The following DCAF8L2 variants were observed in gnomAD, a reference collection of about 807,000 sequenced individuals.
The protein encoded by DCAF8L2 is DDB1- and CUL4-associated factor 8-like protein 2.
For synonymous variants in DCAF8L2, 200 were observed against 190.9 expected (o/e 1.05, Z -0.39); for missense variants, 430 against 490.7 (o/e 0.88, Z 1.17).
chrX:27,626,739 G>A (rs1365399275), intron 1 of DCAF8L2, among the ~76,000 whole-genome samples: 4 of 111,774 alleles, frequency 3.6e-5, no homozygotes, highest in Non-Finnish European at 5.6e-5. Context: ...GCACACAAAG[G>A]ATGAGAAAGC....
At chrX:27,611,389 A>G (rs1327496476) in intron 1 of DCAF8L2, among the ~76,000 whole-genome samples, 2 of 109,451 alleles carry the variant, frequency 1.8e-5, no homozygotes, top group Admixed American at 9.9e-5. Flanking sequence ...ATATGCCGTC[A>G]TAGTGAACAG....
At chrX:27,470,090 G>T in the DCAF8L2 span, among the ~76,000 whole-genome samples, 1 of 111,862 alleles carries the variant, frequency 8.9e-6, no homozygotes, top group Non-Finnish European at 1.9e-5. Context: ...ACTTTCTTAA[G>T]CAGGAGGGCT....
intron 3 of DCAF8L2, among the ~76,000 whole-genome samples, chrX:27,704,553 C>T (rs1242892502): frequency 9.1e-6 from 1 of 110,102 alleles, no homozygotes; most frequent in Non-Finnish European, 1.9e-5. Context: ...TAAGCGTACA[C>T]TCCTTTATGT....
chrX:27,629,889 G>A (rs1415808407), intron 1 of DCAF8L2, among the ~76,000 whole-genome samples: 1 of 111,413 alleles, frequency 9.0e-6, no homozygotes, highest in Non-Finnish European at 1.9e-5. Context: ...GACTCTGTAG[G>A]CCACTGGGTA....
the DCAF8L2 span, among the ~76,000 whole-genome samples, chrX:27,506,245 C>T: frequency 4.5e-5 from 5 of 111,782 alleles, no homozygotes; most frequent in African/African-American, 6.5e-5. Context: ...AAAATGAGAA[C>T]ATACCCATGT....
chrX:27,593,650 C>T (rs771179214), intron 1 of DCAF8L2, among the ~76,000 whole-genome samples: 1 of 111,571 alleles, frequency 9.0e-6, no homozygotes, highest in African/African-American at 3.3e-5. Context: ...AGGCCTATTG[C>T]TTGTCCAGGC....
the DCAF8L2 span, chrX:27,519,565 C>G: frequency 2.9e-6 from 2 of 685,127 alleles, no homozygotes; most frequent in Non-Finnish European, 4.8e-6. Context: ...TACCCTCTCT[C>G]CACCTCCACC....
At chrX:27,594,821 A>C (rs1390432417) in intron 1 of DCAF8L2, among the ~76,000 whole-genome samples, 1 of 112,039 alleles carries the variant, frequency 8.9e-6, no homozygotes. Context: ...TCAATTTCAA[A>C]GTAAAATACA....
At chrX:27,502,334 AAATATAT>A in the DCAF8L2 span, among the ~76,000 whole-genome samples, 30 of 24,961 alleles carry the variant, frequency 1.2e-3, no homozygotes, top group African/African-American at 5.2e-3. Flanking sequence ...AAAAAAAAAA[AAATATAT>A]ATATATATAT....
the DCAF8L2 span, among the ~76,000 whole-genome samples, chrX:27,536,622 T>C: frequency 9.7e-6 from 1 of 102,581 alleles, no homozygotes; most frequent in Non-Finnish European, 2.0e-5. Flanking sequence ...TAGAACAGAA[T>C]TGACTGGGCA....
the DCAF8L2 span, among the ~76,000 whole-genome samples, chrX:27,498,041 T>C: frequency 6.6e-3 from 741 of 112,405 alleles, 9 homozygotes; most frequent in African/African-American, 0.023. Context: ...TGTGTGTGTA[T>C]ATATATACAT....
chrX:27,678,241 G>T (rs1437848526), intron 3 of DCAF8L2, among the ~76,000 whole-genome samples: 1 of 111,266 alleles, frequency 9.0e-6, no homozygotes, highest in African/African-American at 3.3e-5. Flanking sequence ...AATATAAAGG[G>T]AATGTAAATA....
chrX:27,631,850 C>G (rs1171675948), intron 1 of DCAF8L2, 29 bp from the exon 2 acceptor site: 1 of 112,015 alleles, frequency 8.9e-6, no homozygotes, highest in Admixed American at 9.5e-5. Flanking sequence ...ACACTTCCCT[C>G]TCAGAACTAC....
intron 3 of DCAF8L2, among the ~76,000 whole-genome samples, chrX:27,678,651 A>G (rs1930221939): frequency 8.9e-6 from 1 of 111,764 alleles, no homozygotes; most frequent in South Asian, 3.7e-4. Context: ...GCAAATTTGT[A>G]GAGGCAGAAA....
At chrX:27,528,035 T>C in the DCAF8L2 span, among the ~76,000 whole-genome samples, 5 of 100,984 alleles carry the variant, frequency 5.0e-5, no homozygotes. Flanking sequence ...TAAATTAAAT[T>C]TTTAATTTAA....
intron 2 of DCAF8L2, among the ~76,000 whole-genome samples, chrX:27,654,269 C>A (rs923660436): frequency 2.7e-5 from 3 of 111,371 alleles, no homozygotes; most frequent in Non-Finnish European, 3.8e-5. Context: ...AATAATTAAA[C>A]CTTTGTTGTT....
chrX:27,574,039 A>G, the DCAF8L2 span, among the ~76,000 whole-genome samples: 1 of 110,232 alleles, frequency 9.1e-6, no homozygotes, highest in Non-Finnish European at 1.9e-5. Flanking sequence ...TGTGTTGTCC[A>G]GGCTGATCTT....
At chrX:27,629,743 G>A (rs1441666491) in intron 1 of DCAF8L2, among the ~76,000 whole-genome samples, 3 of 111,025 alleles carry the variant, frequency 2.7e-5, no homozygotes, top group Admixed American at 9.7e-5. Flanking sequence ...AAATCAGGAC[G>A]TATTATGCTT....
chrX:27,613,410 G>T (rs1195585509), intron 1 of DCAF8L2, among the ~76,000 whole-genome samples: 2 of 111,419 alleles, frequency 1.8e-5, no homozygotes, highest in Non-Finnish European at 3.8e-5. Context: ...GGGACAATTT[G>T]ACTTCCTCTT....
Sources: allele counts gnomAD v4.1 joint callset (sites outside exome capture counted in the v4.1 genomes callset), GRCh38; gene constraint gnomAD v4.1.1; transcripts MANE v1.5; gene names NCBI Gene and HGNC (gene_info 2026-07-23, HGNC 2026-07-21).